Variants in NRCAM observed in about 807,000 individuals in gnomAD.
NRCAM encodes the protein NgCAM-related cell adhesion molecule.
NRCAM carries 83 observed loss-of-function variants against 156.5 expected under a neutral mutation model. The observed-to-expected ratio is 0.53, with a 90% CI of 0.44 to 0.64. The LOEUF is 0.64. Among genes scored for constraint, NRCAM ranks in the 30% least tolerant of loss-of-function variants. NRCAM has a pLI of 0.00. For missense variants in NRCAM, 1,417 were observed against 1,597.3 expected (o/e 0.89, Z 1.92); for synonymous variants, 538 against 563.9 (o/e 0.95, Z 0.65).
chr7:108,273,708 T>C (rs568765667), intron 3 of NRCAM, among the ~76,000 whole-genome samples: 1 of 152,236 alleles, frequency 6.6e-6, no homozygotes, highest in African/African-American at 2.4e-5. Context: ...TTCACTCTGA[T>C]GATAGTTTCT....
chr7:108,405,605 T>C (rs1009504346), intron 1 of NRCAM, among the ~76,000 whole-genome samples: 5 of 152,236 alleles, frequency 3.3e-5, no homozygotes, highest in African/African-American at 9.6e-5. Context: ...TGTTGTGGCA[T>C]GGCCTCTTCC....
At chr7:108,327,576 G>A (rs946223233) in intron 2 of NRCAM, among the ~76,000 whole-genome samples, 2 of 152,136 alleles carry the variant, frequency 1.3e-5, no homozygotes, top group African/African-American at 2.4e-5. Context: ...ATTGCATTAG[G>A]TATAATCACA....
At position 108,382,720 on chromosome 7, in the gene NRCAM, G is replaced by C. The variant is rs12673676; in HGVS notation, c.-174+16716C>G. 9.6e-3 allele frequency among the ~76,000 whole-genome samples: 1,456 copies of C among 152,094 alleles called. 24 individuals are homozygous for C. The highest frequency in any genetic ancestry group is 0.032 in the African/African-American group (1,318 of 41,490). ...GAGTCTCCAGATTAAGCAAGGACAG[G>C]AACAGCAGGCTCTGCTCAGAGCAGC... On this transcript the variant is annotated intron_variant, in intron 2 of 32. Coordinates refer to ENST00000379028, the MANE Select transcript of NRCAM (RefSeq NM_001037132.4).
At chr7:108,201,329 T>A (rs1433437367) in intron 13 of NRCAM, among the ~76,000 whole-genome samples, 1 of 152,160 alleles carries the variant, frequency 6.6e-6, no homozygotes, top group Non-Finnish European at 1.5e-5. Context: ...ATAGAGTGGC[T>A]GTGTATTTTA....
intron 2 of NRCAM, among the ~76,000 whole-genome samples, chr7:108,320,452 A>G (rs2154205567): frequency 6.6e-6 from 1 of 152,116 alleles, no homozygotes; most frequent in East Asian, 1.9e-4. Context: ...ACAAAACAAA[A>G]CAAAACAAAA....
rs569723515 is a variant in NRCAM at position 108,455,818 on chromosome 7, C to G, written c.-332+425G>C. Among the ~76,000 whole-genome samples, 5 of 152,278 alleles carry G rather than the reference C, an allele frequency of 3.3e-5. No homozygotes were observed. In the South Asian group the frequency reaches 1.0e-3, roughly 32 times the overall value. ...ACTGTGGCGTGACGCCCCGCGCCTC[C>G]GTGTCCAAGCCCGGGAAGCCGCCGT... On this transcript the variant is annotated intron_variant, in intron 1 of 32. Transcript: ENST00000379028.
chr7:108,255,778 G>A (rs865941717), intron 3 of NRCAM, among the ~76,000 whole-genome samples: 1 of 150,500 alleles, frequency 6.6e-6, no homozygotes, highest in African/African-American at 2.4e-5. Flanking sequence ...CTGCCCGACC[G>A]CCACCCCGTC....
At chr7:108,447,529 C>CA (rs2154492244) in intron 1 of NRCAM, among the ~76,000 whole-genome samples, 1 of 152,098 alleles carries the variant, frequency 6.6e-6, no homozygotes, top group Admixed American at 6.6e-5. Flanking sequence ...TCTGTCCTCC[C>CA]AAAGTGCTGG....
chr7:108,379,208 A>G (rs1337646720), intron 2 of NRCAM, among the ~76,000 whole-genome samples: 1 of 152,210 alleles, frequency 6.6e-6, no homozygotes, highest in East Asian at 1.9e-4. Context: ...TAATATAATT[A>G]TCAGATATTA....
intron 2 of NRCAM, among the ~76,000 whole-genome samples, chr7:108,397,425 C>G (rs780097109): frequency 1.6e-4 from 24 of 151,840 alleles, no homozygotes; most frequent in Non-Finnish European, 3.1e-4. Flanking sequence ...AAATTTTTAC[C>G]CCAGACATTC....
At chr7:108,168,974 T>G (rs1219094506) in intron 28 of NRCAM, among the ~76,000 whole-genome samples, 1 of 152,156 alleles carries the variant, frequency 6.6e-6, no homozygotes, top group African/African-American at 2.4e-5. Flanking sequence ...AAATCCCTGC[T>G]TTAGAGAATG....
At chr7:108,266,051 A>AT (rs1437645526) in intron 3 of NRCAM, among the ~76,000 whole-genome samples, 1 of 151,990 alleles carries the variant, frequency 6.6e-6, no homozygotes, top group Non-Finnish European at 1.5e-5. Flanking sequence ...TTTTTCATAA[A>AT]TTTTTTCTTT....
chr7:108,402,488 G>A (rs1261157436), intron 1 of NRCAM, among the ~76,000 whole-genome samples: 1 of 152,150 alleles, frequency 6.6e-6, no homozygotes, highest in Non-Finnish European at 1.5e-5. Flanking sequence ...AGACACATCT[G>A]GGAAGAAACA....
intron 1 of NRCAM, among the ~76,000 whole-genome samples, chr7:108,448,050 G>A (rs2300052): frequency 0.25 from 37,488 of 152,016 alleles, 4,945 homozygotes; most frequent in Non-Finnish European, 0.29. Flanking sequence ...GTGAACCCTT[G>A]ACATCTATTT....
At chr7:108,198,715 A>G (rs2076414729) in intron 13 of NRCAM, among the ~76,000 whole-genome samples, 1 of 152,242 alleles carries the variant, frequency 6.6e-6, no homozygotes, top group Non-Finnish European at 1.5e-5. Context: ...CAACAAATAC[A>G]TAAACACTAC....
At chr7:108,395,238 CA>C (rs2099773541) in intron 2 of NRCAM, among the ~76,000 whole-genome samples, 1 of 152,208 alleles carries the variant, frequency 6.6e-6, no homozygotes, top group African/African-American at 2.4e-5. Flanking sequence ...GGTATTAGTG[CA>C]GTAGCTAGGG....
At chr7:108,275,165 T>C (rs1251238908) in intron 3 of NRCAM, among the ~76,000 whole-genome samples, 1 of 152,232 alleles carries the variant, frequency 6.6e-6, no homozygotes, top group Non-Finnish European at 1.5e-5. Flanking sequence ...GATTTTTGCA[T>C]CGATATTCAT....
intron 1 of NRCAM, among the ~76,000 whole-genome samples, chr7:108,429,612 CATG>C (rs1375408973): frequency 1.3e-5 from 2 of 152,180 alleles, no homozygotes; most frequent in Admixed American, 1.3e-4. Context: ...TCAGGGTGCC[CATG>C]ATGTTTCCTC....
intron 2 of NRCAM, among the ~76,000 whole-genome samples, chr7:108,384,616 C>T (rs1198572193): frequency 1.3e-5 from 2 of 152,114 alleles, no homozygotes; most frequent in Non-Finnish European, 2.9e-5. Context: ...TTAAACTGCC[C>T]TTGGATTACA....
Sources: gnomAD v4.1 joint callset for allele counts (sites outside exome capture counted in the v4.1 genomes callset) on GRCh38, gnomAD v4.1.1 for gene constraint, MANE v1.5 for transcripts, NCBI Gene and HGNC (gene_info 2026-07-23, HGNC 2026-07-21) for gene names.